The following TMEM117 variants were observed in gnomAD, a reference collection of about 807,000 sequenced individuals.
The protein encoded by TMEM117 is transmembrane protein 117.
TMEM117 carries 27 observed loss-of-function variants against 52.4 expected under a neutral mutation model. That is an observed-to-expected ratio of 0.51 (90% CI 0.38 to 0.71). TMEM117 has a LOEUF of 0.71. Ranked by LOEUF, TMEM117 falls within the 30% of genes least tolerant of loss-of-function variation. The probability of loss-of-function intolerance (pLI) is 0.00; values close to 1 mark genes in which losing one functional copy is unlikely to be tolerated. For missense variants in TMEM117, 556 were observed against 630.5 expected, an observed-to-expected ratio of 0.88 and a Z score of 1.26; for synonymous variants, 215 against 206.3, an observed-to-expected ratio of 1.04 and a Z score of -0.36.
At chr12:43,802,341 T>G in the TMEM117 span, 1 of 1,592,680 alleles carries the variant, frequency 6.3e-7, no homozygotes, top group Non-Finnish European at 8.5e-7. Flanking sequence ...CTGGGCATTC[T>G]GAGAATCTAA....
chr12:44,183,092 T>A (rs1162537158), intron 4 of TMEM117, among the ~76,000 whole-genome samples: 1 of 152,156 alleles, frequency 6.6e-6, no homozygotes. Flanking sequence ...TTTAGAAAAT[T>A]TAGAAATTTA....
intron 3 of TMEM117, among the ~76,000 whole-genome samples, chr12:44,014,823 G>T (rs1211486580): frequency 1.3e-5 from 2 of 151,640 alleles, no homozygotes; most frequent in Admixed American, 6.6e-5. Flanking sequence ...TTTCCTTATA[G>T]CCTCTATTTG....
intron 4 of TMEM117, among the ~76,000 whole-genome samples, chr12:44,199,512 A>G (rs1429318708): frequency 1.3e-5 from 2 of 152,152 alleles, no homozygotes; most frequent in Admixed American, 1.3e-4. Context: ...ATTTTCTTCA[A>G]TGAAATTGAA....
chr12:43,887,206 C>T (rs1944013226), intron 2 of TMEM117, among the ~76,000 whole-genome samples: 1 of 152,114 alleles, frequency 6.6e-6, no homozygotes, highest in East Asian at 1.9e-4. Flanking sequence ...TCATTTTTAC[C>T]TAAAGCAAGA....
chr12:43,798,425 ATAGC>A, the TMEM117 span: 1 of 701,336 alleles, frequency 1.4e-6, no homozygotes, highest in Non-Finnish European at 2.2e-6. Flanking sequence ...TTGATAAATG[ATAGC>A]TAGTAGAGAG....
chr12:44,135,223 A>G (rs910008445), intron 3 of TMEM117, among the ~76,000 whole-genome samples: 4 of 152,172 alleles, frequency 2.6e-5, no homozygotes, highest in Admixed American at 6.6e-5. Flanking sequence ...GCATCATTGT[A>G]TATGTCTCCA....
chr12:44,383,847 C>T (rs913506015), intron 7 of TMEM117, among the ~76,000 whole-genome samples: 5 of 152,146 alleles, frequency 3.3e-5, no homozygotes, highest in African/African-American at 9.6e-5. Context: ...TCAGAAGATA[C>T]AATTTTTTTT....
At chr12:44,216,619 T>A (rs1054324225) in intron 5 of TMEM117, among the ~76,000 whole-genome samples, 1 of 152,148 alleles carries the variant, frequency 6.6e-6, no homozygotes, top group Non-Finnish European at 1.5e-5. Context: ...AAGATGGTAA[T>A]CTGAGTATTA....
chr12:43,964,601 A>G (rs764101655), intron 3 of TMEM117, among the ~76,000 whole-genome samples: 11 of 152,212 alleles, frequency 7.2e-5, no homozygotes, highest in South Asian at 2.1e-4. Context: ...TCTTTTTCCA[A>G]CTATACGTCA....
intron 5 of TMEM117, among the ~76,000 whole-genome samples, chr12:44,255,723 A>C (rs2138525448): frequency 6.6e-6 from 1 of 152,270 alleles, no homozygotes; most frequent in Non-Finnish European, 1.5e-5. Context: ...AAAATACAGG[A>C]ATAAAATACA....
intron 5 of TMEM117, among the ~76,000 whole-genome samples, chr12:44,233,975 A>G (rs1949963308): frequency 6.6e-6 from 1 of 151,420 alleles, no homozygotes; most frequent in Non-Finnish European, 1.5e-5. Context: ...GTAATCTTGC[A>G]TCTTACTCTC....
At chr12:44,375,275 G>T (rs1200637603) in intron 6 of TMEM117, among the ~76,000 whole-genome samples, 1 of 152,200 alleles carries the variant, frequency 6.6e-6, no homozygotes, top group Non-Finnish European at 1.5e-5. Context: ...TCTATTTGCT[G>T]CTGATGTCTG....
intron 3 of TMEM117, among the ~76,000 whole-genome samples, chr12:44,046,359 T>C (rs1946880831): frequency 1.3e-5 from 2 of 152,328 alleles, no homozygotes; most frequent in Admixed American, 1.3e-4. Context: ...CTGGGGTGAT[T>C]GACCTGGACT....
At chr12:43,857,148 A>G (rs1333138088) in intron 2 of TMEM117, among the ~76,000 whole-genome samples, 4 of 152,210 alleles carry the variant, frequency 2.6e-5, no homozygotes, top group African/African-American at 7.2e-5. Flanking sequence ...CTAAAGGGCA[A>G]TGAGCTTCAT....
At chr12:44,262,535 A>T (rs1271403379) in intron 5 of TMEM117, among the ~76,000 whole-genome samples, 1 of 152,238 alleles carries the variant, frequency 6.6e-6, no homozygotes, top group African/African-American at 2.4e-5. Flanking sequence ...ATACTAAGAT[A>T]GCCACCAGAG....
At position 44,118,578 on chromosome 12, in the gene TMEM117, G is replaced by A. The variant is rs199778093; in HGVS notation, c.411-24947G>A. On this transcript the variant is annotated intron_variant, in intron 3 of 7. Coordinates refer to ENST00000266534, the MANE Select transcript of TMEM117 (RefSeq NM_032256.3). ...GATATTACTATGTTTATTAGATGAC[G>A]AGAAGTAGAGAGATTGTATGTCATG... Among the ~76,000 whole-genome samples the A allele has an allele frequency of 1.5e-4, 23 of 152,292 alleles. No homozygotes were observed. In the East Asian group the frequency reaches 4.2e-3, roughly 28 times the overall value.
the TMEM117 span, chr12:43,804,038 A>T: frequency 4.7e-6 from 1 of 212,356 alleles, no homozygotes; most frequent in Non-Finnish European, 9.9e-6. Flanking sequence ...TCCCAAAACA[A>T]GAAAGGGAAA....
At chr12:43,955,816 A>G (rs1364851650) in intron 3 of TMEM117, among the ~76,000 whole-genome samples, 1 of 152,240 alleles carries the variant, frequency 6.6e-6, no homozygotes, top group Non-Finnish European at 1.5e-5. Context: ...ACCAAAAAAG[A>G]GCTCGCATAG....
chr12:44,051,597 A>G (rs1400208427), intron 3 of TMEM117, among the ~76,000 whole-genome samples: 3 of 152,232 alleles, frequency 2.0e-5, no homozygotes, highest in Admixed American at 6.5e-5. Flanking sequence ...ATTTAAAGGC[A>G]TCTATTTAAA....
Sources: allele counts gnomAD v4.1 joint callset (sites outside exome capture counted in the v4.1 genomes callset), GRCh38; gene constraint gnomAD v4.1.1; transcripts MANE v1.5; gene names NCBI Gene and HGNC (gene_info 2026-07-23, HGNC 2026-07-21).